Variants in ARHGAP22 observed in about 807,000 individuals in gnomAD.
ARHGAP22 encodes rho GTPase-activating protein 22.
Under a neutral mutation model 59.1 loss-of-function variants are expected in ARHGAP22, and 48 were observed. The ratio of observed to expected loss-of-function variants is 0.81; its 90% CI spans 0.64 to 1.03. The LOEUF is 1.03. ARHGAP22 is among the 50% of genes least tolerant of loss of function. The pLI, the probability that ARHGAP22 is intolerant of heterozygous loss-of-function variation, is 0.00. For synonymous variants in ARHGAP22, 445 were observed against 416.4 expected, an observed-to-expected ratio of 1.07 and a Z score of -0.84; for missense variants, 1,015 against 958.7, an observed-to-expected ratio of 1.06 and a Z score of -0.78.
At chr10:48,505,478 C>T (rs867423001) in intron 3 of ARHGAP22, among the ~76,000 whole-genome samples, 137 of 152,232 alleles carry the variant, frequency 9.0e-4, no homozygotes, top group African/African-American at 3.2e-3. Flanking sequence ...GCAGGAGTCC[C>T]GTGCGCCTGA....
chr10:48,541,275 C>G (rs759647228), intron 3 of ARHGAP22, among the ~76,000 whole-genome samples: 1 of 152,158 alleles, frequency 6.6e-6, no homozygotes, highest in African/African-American at 2.4e-5. Flanking sequence ...CACATTCCTC[C>G]CCACATCCTA....
intron 3 of ARHGAP22, among the ~76,000 whole-genome samples, chr10:48,482,069 T>G (rs1430199851): frequency 6.6e-6 from 1 of 152,248 alleles, no homozygotes; most frequent in Non-Finnish European, 1.5e-5. Flanking sequence ...TCTTTTTTCA[T>G]TCTATTAACA....
rs77489569 is a variant in ARHGAP22, at chr10:48,634,399, G to A, written c.52+17835C>T. 4.8e-4 allele frequency among the ~76,000 whole-genome samples: 73 copies of A among 152,328 alleles called. 1 individual carries two copies. Among genetic ancestry groups the A allele is most frequent in the South Asian group, 1.7e-3 (8 of 4,828 alleles). ...GGATAAGCTGCTGGGTGCAGAGGGC[G>A]GTGAGCCTGCACTGTGGTTTGCCCA... On this transcript the variant is annotated intron_variant, in intron 1 of 9. Coordinates refer to the ARHGAP22 transcript ENST00000435790.
At chr10:48,467,784 G>A (rs2047862705) in intron 4 of ARHGAP22, among the ~76,000 whole-genome samples, 1 of 152,214 alleles carries the variant, frequency 6.6e-6, no homozygotes, top group Admixed American at 6.5e-5. Flanking sequence ...GACCAGCTTT[G>A]TCATTTGCAA....
intron 4 of ARHGAP22, among the ~76,000 whole-genome samples, chr10:48,465,785 A>C (rs572450310): frequency 4.1e-4 from 62 of 152,268 alleles, no homozygotes; most frequent in African/African-American, 1.5e-3. Context: ...GAGACTCCCA[A>C]ACTTTGGGTA....
Position 48,583,032 on chromosome 10 carries a change from T to C in ARHGAP22, c.155A>G (p.Lys52Arg), listed in dbSNP as rs757685326. 12 of 1,614,164 alleles carry C rather than the reference T, an allele frequency of 7.4e-6. No homozygotes were observed. The African/African-American group carries it at 1.6e-4, about 22-fold the overall frequency. ...GWLKKQRSIM[K>R]NWQQRWFVLR... ...CACAAACCAGCGCTGCTGCCAGTTC[T>C]TCATGATGCTCCTCTGCTTCTTCAG... Residue 52 changes from lysine (K) to arginine (R), a missense_variant, in exon 2 of 10, where the codon AAG (lysine) becomes AGG (arginine). Lys to Arg is a conservative substitution (Grantham distance 26, BLOSUM62 2). Transcript: ENST00000249601.
chr10:48,447,783 G>A (rs769498960), intron 9 of ARHGAP22, among the ~76,000 whole-genome samples: 1 of 152,156 alleles, frequency 6.6e-6, no homozygotes, highest in Non-Finnish European at 1.5e-5. Flanking sequence ...CCGCAGCCCT[G>A]GTGCACTCTT....
chr10:48,443,787 T>TAA (rs1458331584), downstream of ARHGAP22: 8 of 152,236 alleles, frequency 5.3e-5, no homozygotes, highest in African/African-American at 1.9e-4. Flanking sequence ...CCTTCAGGAA[T>TAA]AAGATTCATT....
At chr10:48,542,008 G>T (rs1054873008) in intron 3 of ARHGAP22, among the ~76,000 whole-genome samples, 6 of 152,196 alleles carry the variant, frequency 3.9e-5, no homozygotes, top group African/African-American at 1.4e-4. Context: ...GGCAGGGGCC[G>T]GGTGCTGGAG....
intron 1 of ARHGAP22, among the ~76,000 whole-genome samples, chr10:48,631,433 T>C (rs768267864): frequency 1.7e-4 from 26 of 152,220 alleles, no homozygotes; most frequent in Non-Finnish European, 2.9e-4. Context: ...ATTTGAGAAC[T>C]AGTGCTTACT....
chr10:48,430,833 G>A, the ARHGAP22 span: 5 of 253,100 alleles, frequency 2.0e-5, no homozygotes, highest in South Asian at 2.7e-4. Flanking sequence ...AAGACACGTG[G>A]TTCAAGCCCT....
At chr10:48,544,093 G>A (rs780790310) in intron 3 of ARHGAP22, among the ~76,000 whole-genome samples, 2 of 151,920 alleles carry the variant, frequency 1.3e-5, no homozygotes, top group Non-Finnish European at 2.9e-5. Flanking sequence ...ACTGCACTCC[G>A]GCCTGGGTGA....
intron 1 of ARHGAP22, among the ~76,000 whole-genome samples, chr10:48,619,118 C>A (rs971853840): frequency 6.6e-6 from 1 of 151,748 alleles, no homozygotes; most frequent in Non-Finnish European, 1.5e-5. Context: ...AAAAAAATAC[C>A]CAGGAATAAG....
chr10:48,470,597 T>C (rs566351514), intron 4 of ARHGAP22, among the ~76,000 whole-genome samples: 3 of 152,306 alleles, frequency 2.0e-5, no homozygotes, highest in South Asian at 2.1e-4. Flanking sequence ...CCAAGGTCCA[T>C]AGGGACATCT....
chr10:48,558,447 C>T lies in ARHGAP22; in HGVS notation c.235-2897G>A, dbSNP rs1307477484. Among the ~76,000 whole-genome samples the T allele has an allele frequency of 7.9e-5, 12 of 152,136 alleles. No individual in the cohort carries two copies. The East Asian group carries it at 2.3e-3, about 29-fold the overall frequency. On this transcript the variant is annotated intron_variant, in intron 2 of 9. Transcript: ENST00000249601. ...TTGCGATCATGGCTTACTGCAGCCT[C>T]TACCTACCGGGCTCCAGTGAGCCTC...
At chr10:48,591,708 T>A (rs1347962332) in intron 1 of ARHGAP22, among the ~76,000 whole-genome samples, 2 of 152,084 alleles carry the variant, frequency 1.3e-5, no homozygotes, top group Admixed American at 1.3e-4. Flanking sequence ...ACCTCATATC[T>A]ACAAAAAATA....
chr10:48,503,855 T>C (rs1036701978), intron 3 of ARHGAP22, among the ~76,000 whole-genome samples: 1 of 152,250 alleles, frequency 6.6e-6, no homozygotes, highest in Non-Finnish European at 1.5e-5. Flanking sequence ...ATTTGCTAAA[T>C]GAGTAACTCC....
At chr10:48,642,702 C>G (rs1168460466) in intron 1 of ARHGAP22, among the ~76,000 whole-genome samples, 1 of 152,082 alleles carries the variant, frequency 6.6e-6, no homozygotes, top group Non-Finnish European at 1.5e-5. Context: ...TCTAAAACAC[C>G]AAAAGCAATG....
At chr10:48,636,342 A>G (rs1420139282) in intron 1 of ARHGAP22, among the ~76,000 whole-genome samples, 1 of 152,150 alleles carries the variant, frequency 6.6e-6, no homozygotes, top group Non-Finnish European at 1.5e-5. Context: ...CCTGTGTCCC[A>G]TGCTTGGTGC....
Sources: gnomAD v4.1 joint callset for allele counts (sites outside exome capture counted in the v4.1 genomes callset) on GRCh38, gnomAD v4.1.1 for gene constraint, MANE v1.5 for transcripts, NCBI Gene and HGNC (gene_info 2026-07-23, HGNC 2026-07-21) for gene names.